The following GLI2 variants were observed in gnomAD, a reference collection of about 807,000 sequenced individuals.
The protein encoded by GLI2 is transcription activator GLI2.
In GLI2, 22 loss-of-function variants were observed where a neutral mutation model predicts 78.9. That is an observed-to-expected ratio of 0.28 (90% CI 0.20 to 0.40). The LOEUF (loss-of-function observed/expected upper bound fraction) is 0.40, where lower values mean the gene tolerates loss of function less well. GLI2 is among the 10% of genes least tolerant of loss of function. The pLI, the probability that GLI2 is intolerant of heterozygous loss-of-function variation, is 1.00. For synonymous variants in GLI2, 974 were observed against 963.7 expected, an observed-to-expected ratio of 1.01 and a Z score of -0.20; for missense variants, 2,097 against 2,213.2, an observed-to-expected ratio of 0.95 and a Z score of 1.05.
intron 2 of GLI2, among the ~76,000 whole-genome samples, chr2:120,889,939 C>G (rs1334882427): frequency 6.6e-6 from 1 of 152,094 alleles, no homozygotes; most frequent in Non-Finnish European, 1.5e-5. Flanking sequence ...TGCATAGGAC[C>G]CAACAGTTAC....
intron 2 of GLI2, among the ~76,000 whole-genome samples, chr2:120,818,177 G>T (rs1685592132): frequency 6.6e-6 from 1 of 152,222 alleles, no homozygotes; most frequent in Non-Finnish European, 1.5e-5. Flanking sequence ...GAGCTCCAAG[G>T]AGCCCCGCTT....
In GLI2 at chr2:120,982,668, G is replaced by A. The variant is rs1224953287; in HGVS notation, c.1468-48G>A. 1.0e-5 allele frequency: 16 copies of A among 1,566,782 alleles called. No homozygotes were observed. The African/African-American group carries it at 2.0e-4, about 20-fold the overall frequency. On this transcript the variant is annotated intron_variant, in intron 10 of 13. Transcript: ENST00000361492. ...GGGAGGAAGCAGCAGCCGGCCTCAA[G>A]GTTGGGCCCCCTGGGGTGCCTTGAC...
chr2:120,871,556 C>T (rs1688432847), intron 2 of GLI2, among the ~76,000 whole-genome samples: 1 of 152,216 alleles, frequency 6.6e-6, no homozygotes, highest in South Asian at 2.1e-4. Flanking sequence ...ACCGTGGGTG[C>T]TAATCATGGG....
intron 9 of GLI2, 71 bp from the exon 10 acceptor site, chr2:120,978,363 A>G (rs1041150462): frequency 6.3e-7 from 1 of 1,579,192 alleles, no homozygotes; most frequent in Non-Finnish European, 8.7e-7. Context: ...GCAGGTGGTC[A>G]GCTGACAGCA....
At chr2:120,857,690 A>G (rs935845071) in intron 2 of GLI2, among the ~76,000 whole-genome samples, 1 of 152,038 alleles carries the variant, frequency 6.6e-6, no homozygotes, top group African/African-American at 2.4e-5. Flanking sequence ...TATCCAATGC[A>G]TTTTTCATCA....
At chr2:120,783,184 C>T (rs1683897128) in intron 1 of GLI2, among the ~76,000 whole-genome samples, 1 of 152,216 alleles carries the variant, frequency 6.6e-6, no homozygotes, top group African/African-American at 2.4e-5. Context: ...ATGACCTTGC[C>T]TAGCAGCCTC....
Position 120,984,692 on chromosome 2 carries a change from G to A in GLI2, c.1854G>A (p.Gln618=), listed in dbSNP as rs1222872929. 6.2e-7 allele frequency: 1 copy of A among 1,613,656 alleles called. No homozygotes were observed. The highest frequency in any genetic ancestry group is 8.5e-7 in the Non-Finnish European group (1 of 1,180,006). ...GCACCGAGGCCAGCAGCACCAGCCAGGCCGTGGAGGACTGCCTGCACGTCA... is the reference window on the plus strand; with the variant it reads ...GCACCGAGGCCAGCAGCACCAGCCAAGCCGTGGAGGACTGCCTGCACGTCA... ...PESTEASSTS[Q]AVEDCLHVRA... Residue 618 remains glutamine (Q), a synonymous_variant, in exon 12 of 14, where the codon CAG becomes CAA. Transcript: ENST00000361492.
Position 120,829,054 on chromosome 2 carries a change from A to G in GLI2, c.148+31586A>G, listed in dbSNP as rs567341406. Among the ~76,000 whole-genome samples the G allele has an allele frequency of 2.0e-5, 3 of 151,350 alleles. No homozygotes were observed. The East Asian group carries it at 5.9e-4, about 30-fold the overall frequency. On this transcript the variant is annotated intron_variant, in intron 2 of 13. Transcript: ENST00000361492. ...TCATACTCACACACCACATGCTCAC[A>G]GTCACACACGTACGCATGCATGCAC...
chr2:120,805,231 G>A (rs1003934556), intron 2 of GLI2, among the ~76,000 whole-genome samples: 3 of 152,234 alleles, frequency 2.0e-5, no homozygotes, highest in Middle Eastern at 3.2e-3. Flanking sequence ...GCCGCAGCCC[G>A]GGGTCTGGAC....
intron 2 of GLI2, among the ~76,000 whole-genome samples, chr2:120,889,083 GA>G (rs1233716336): frequency 1.3e-5 from 2 of 152,200 alleles, no homozygotes; most frequent in African/African-American, 4.8e-5. Flanking sequence ...GGACCGCGGA[GA>G]AACAGAACGC....
chr2:120,876,838 C>T (rs1688775154), intron 2 of GLI2, among the ~76,000 whole-genome samples: 1 of 152,226 alleles, frequency 6.6e-6, no homozygotes, highest in South Asian at 2.1e-4. Flanking sequence ...GATGCACTTG[C>T]AGAATGATGT....
At chr2:120,816,649 T>TAA (rs34210846) in intron 2 of GLI2, among the ~76,000 whole-genome samples, 15 of 150,086 alleles carry the variant, frequency 1.0e-4, no homozygotes, top group East Asian at 1.9e-4. Context: ...TCTCCAAAAT[T>TAA]AAAAAAAAAA....
intron 2 of GLI2, among the ~76,000 whole-genome samples, chr2:120,901,736 G>A (rs993887822): frequency 6.6e-6 from 1 of 152,310 alleles, no homozygotes; most frequent in Non-Finnish European, 1.5e-5. Context: ...ACCTACAATT[G>A]TTTGGTATTA....
intron 3 of GLI2, among the ~76,000 whole-genome samples, chr2:120,942,599 G>A (rs774672899): frequency 6.6e-6 from 1 of 152,328 alleles, no homozygotes; most frequent in South Asian, 2.1e-4. Flanking sequence ...ATAGAACATG[G>A]ACATATCTCT....
At chr2:120,795,007 C>T (rs1684318178) in intron 1 of GLI2, among the ~76,000 whole-genome samples, 1 of 152,124 alleles carries the variant, frequency 6.6e-6, no homozygotes, top group South Asian at 2.1e-4. Flanking sequence ...CATGTGGCCC[C>T]TCCATTGTTC....
At chr2:120,746,980 T>A (rs780499785) in intron 1 of GLI2, among the ~76,000 whole-genome samples, 33 of 152,248 alleles carry the variant, frequency 2.2e-4, no homozygotes, top group African/African-American at 6.5e-4. Flanking sequence ...GCCTCTCTCG[T>A]ATTTTATTTT....
intron 3 of GLI2, among the ~76,000 whole-genome samples, chr2:120,949,875 A>C (rs1459972472): frequency 6.6e-6 from 1 of 152,200 alleles, no homozygotes; most frequent in African/African-American, 2.4e-5. Context: ...GTTTTCATGC[A>C]CTATTGAGCA....
intron 2 of GLI2, among the ~76,000 whole-genome samples, chr2:120,803,940 C>A (rs1684818837): frequency 6.6e-6 from 1 of 152,088 alleles, no homozygotes; most frequent in Non-Finnish European, 1.5e-5. Context: ...GGGCTGTGAC[C>A]AGGCTAGCAT....
chr2:120,972,814 A>G lies in GLI2; in HGVS notation c.1182+751A>G, dbSNP rs114089563. ...GCCCACAGCCCAGTGCAGGCCTACC[A>G]CGTGGCCCAGACCCTGTGCTGATCC... On this transcript the variant is annotated intron_variant, in intron 8 of 13. Coordinates refer to ENST00000361492, the MANE Select transcript of GLI2 (RefSeq NM_001374353.1). 2,707 of 447,162 alleles carry G rather than the reference A, an allele frequency of 6.1e-3. 59 individuals are homozygous for G. The highest frequency in any genetic ancestry group is 0.045 in the African/African-American group (2,278 of 50,216). 27.7% of individuals were successfully genotyped at this position (447,162 alleles called of 1,614,324 possible).
Sources: gnomAD v4.1 joint callset for allele counts (sites outside exome capture counted in the v4.1 genomes callset) on GRCh38, gnomAD v4.1.1 for gene constraint, MANE v1.5 for transcripts, NCBI Gene and HGNC (gene_info 2026-07-23, HGNC 2026-07-21) for gene names.